The following CIROZ variants were observed in gnomAD, a reference collection of about 807,000 sequenced individuals.
CIROZ encodes the protein ciliated left-right organizer protein containing ZP-N domains, also known as ciliated left-right organizer ZP-N domains-containing protein.
the CIROZ span, chr1:10,953,902 G>C: frequency 5.0e-6 from 7 of 1,412,914 alleles, no homozygotes; most frequent in Non-Finnish European, 6.6e-6. Flanking sequence ...TGTGGGATCT[G>C]TCGGGTCCAG....
chr1:10,954,980 G>A, the CIROZ span: 49 of 1,592,436 alleles, frequency 3.1e-5, no homozygotes, highest in South Asian at 8.9e-5. Flanking sequence ...AGATGCCACC[G>A]GATACTCACC....
At chr1:10,981,529 AGGAAGGCAGGGAG>A in the CIROZ span, among the ~76,000 whole-genome samples, 1 of 136,190 alleles carries the variant, frequency 7.3e-6, no homozygotes, top group African/African-American at 3.6e-5. Context: ...GGAGAAAGGA[AGGAAGGCAGGGAG>A]GGAAGGAAGG....
the CIROZ span, among the ~76,000 whole-genome samples, chr1:10,967,612 T>C: frequency 6.6e-6 from 1 of 152,190 alleles, no homozygotes; most frequent in Non-Finnish European, 1.5e-5. Context: ...ATTTGTCTGT[T>C]TTGTTCATTG....
the CIROZ span, chr1:10,949,809 C>T: frequency 2.6e-6 from 4 of 1,552,948 alleles, no homozygotes; most frequent in Admixed American, 7.8e-5. Context: ...GACTCTGTTC[C>T]TGAACCTTCC....
chr1:10,967,255 T>C, the CIROZ span, among the ~76,000 whole-genome samples: 1 of 150,158 alleles, frequency 6.7e-6, no homozygotes, highest in Non-Finnish European at 1.5e-5. Context: ...CCCACTTCTC[T>C]TCCCCTCCCT....
At chr1:10,946,512 G>A in the CIROZ span, 106,965 of 152,054 alleles carry the variant, frequency 0.7, 37,946 homozygotes, top group East Asian at 0.92. Context: ...CCGGGCGGGC[G>A]TTGCCGACGG....
the CIROZ span, among the ~76,000 whole-genome samples, chr1:10,953,190 A>G: frequency 2.0e-4 from 30 of 152,364 alleles, no homozygotes; most frequent in Admixed American, 2.0e-3. Context: ...CTTTTGTGCA[A>G]CACCGAAACA....
chr1:10,967,514 T>A, the CIROZ span, among the ~76,000 whole-genome samples: 1 of 152,232 alleles, frequency 6.6e-6, no homozygotes, highest in Non-Finnish European at 1.5e-5. Context: ...ACAATCATTG[T>A]CTTCTAACCA....
the CIROZ span, among the ~76,000 whole-genome samples, chr1:10,959,048 C>G: frequency 6.6e-6 from 1 of 152,212 alleles, no homozygotes; most frequent in South Asian, 2.1e-4. The surrounding 1 kb of genome is among the most constrained non-coding windows in gnomAD (Gnocchi z 4.3). Flanking sequence ...TGGGACCAAC[C>G]CTGCTCACGG....
At chr1:10,966,500 C>T in the CIROZ span, 1 of 1,527,966 alleles carries the variant, frequency 6.5e-7, no homozygotes, top group Non-Finnish European at 8.7e-7. Flanking sequence ...GAGAAAGGGA[C>T]AGAAACGTGG....
At chr1:10,966,804 G>A in the CIROZ span, among the ~76,000 whole-genome samples, 2,047 of 152,076 alleles carry the variant, frequency 0.013, 29 homozygotes, top group Non-Finnish European at 0.019. Flanking sequence ...GCAGCAGCCC[G>A]CAGGATCCTG....
At chr1:10,947,590 C>T in the CIROZ span, 5 of 1,264,982 alleles carry the variant, frequency 4.0e-6, no homozygotes, top group Non-Finnish European at 5.2e-6. Context: ...GCCGACCCAT[C>T]ACTGCCTCCC....
chr1:10,958,523 G>A, the CIROZ span, among the ~76,000 whole-genome samples: 797 of 152,338 alleles, frequency 5.2e-3, 4 homozygotes, highest in Non-Finnish European at 8.7e-3. Context: ...TCAGGCCTCT[G>A]CCTGGAGGGC....
the CIROZ span, chr1:10,957,828 C>G: frequency 6.7e-7 from 1 of 1,496,874 alleles, no homozygotes; most frequent in Non-Finnish European, 9.0e-7. Flanking sequence ...AGAGGGGACA[C>G]TTGAAGGGTC....
the CIROZ span, chr1:10,957,636 CT>C: frequency 6.2e-7 from 1 of 1,614,172 alleles, no homozygotes; most frequent in East Asian, 2.2e-5. Context: ...TGAAGAAGGC[CT>C]TGTCTCGGGC....
chr1:10,972,913 GC>G, the CIROZ span, among the ~76,000 whole-genome samples: 38,844 of 150,454 alleles, frequency 0.26, 5,310 homozygotes, highest in African/African-American at 0.33. Context: ...ATAGCGAGAT[GC>G]CCCCCCCATC....
chr1:10,982,038 C>A, the CIROZ span: 1 of 1,537,220 alleles, frequency 6.5e-7, no homozygotes, highest in African/African-American at 1.4e-5. Context: ...ACCCCCACAT[C>A]CTCAGGCCCA....
chr1:10,971,297 A>C, the CIROZ span, among the ~76,000 whole-genome samples: 1 of 151,176 alleles, frequency 6.6e-6, no homozygotes, highest in Non-Finnish European at 1.5e-5. Flanking sequence ...CCCTGACCCC[A>C]GCCTCTGCCC....
chr1:10,974,373 G>A, the CIROZ span, among the ~76,000 whole-genome samples: 1 of 152,108 alleles, frequency 6.6e-6, no homozygotes, highest in Non-Finnish European at 1.5e-5. This position sits in a 1 kb window ranked among gnomAD's most constrained non-coding sequence, Gnocchi z 4.4. Flanking sequence ...TCTGCTGAGA[G>A]CAGTAGAGGG....
Sources: allele counts gnomAD v4.1 joint callset (sites outside exome capture counted in the v4.1 genomes callset), GRCh38; gene constraint gnomAD v4.1.1; non-coding constraint Gnocchi (gnomAD v3.1); transcripts MANE v1.5; gene names NCBI Gene and HGNC (gene_info 2026-07-23, HGNC 2026-07-21).